LGSN: variants seen among roughly 807,000 people sequenced by gnomAD.
LGSN encodes the protein lengsin.
LGSN carries 21 observed loss-of-function variants against 19.5 expected under a neutral mutation model. The ratio of observed to expected loss-of-function variants is 1.07; its 90% confidence interval spans 0.76 to 1.55. The LOEUF (loss-of-function observed/expected upper bound fraction) is 1.55. Among genes scored for constraint, LGSN ranks in the 40% most tolerant of loss-of-function variants. The pLI is 0.00. For missense variants in LGSN, 673 were observed against 608.5 expected (o/e 1.11, Z -1.12); for synonymous variants, 257 against 215.6 (o/e 1.19, Z -1.68).
chr6:63,407,684 A>C, the LGSN span, among the ~76,000 whole-genome samples: 32 of 152,304 alleles, frequency 2.1e-4, no homozygotes, highest in Admixed American at 1.2e-3. Context: ...GGCCAGGGCA[A>C]TTAGGCAGGA....
chr6:63,332,804 T>A, the LGSN span, among the ~76,000 whole-genome samples: 26 of 152,068 alleles, frequency 1.7e-4, no homozygotes, highest in African/African-American at 6.0e-4. Context: ...TGCTTGGCGA[T>A]TGTCTCACCA....
At chr6:63,374,000 A>G in the LGSN span, among the ~76,000 whole-genome samples, 63 of 152,234 alleles carry the variant, frequency 4.1e-4, no homozygotes, top group African/African-American at 1.5e-3. Context: ...CAAAATTGGA[A>G]TGTCTAGATA....
At chr6:63,344,046 C>T in the LGSN span, among the ~76,000 whole-genome samples, 1 of 152,192 alleles carries the variant, frequency 6.6e-6, no homozygotes, top group Non-Finnish European at 1.5e-5. Context: ...CTTGGAAATA[C>T]ATTCTTCCCC....
the LGSN span, among the ~76,000 whole-genome samples, chr6:63,492,029 C>CAAA: frequency 1.6e-5 from 2 of 126,140 alleles, 1 homozygote; most frequent in Non-Finnish European, 3.5e-5. Flanking sequence ...AACTCCATCT[C>CAAA]AAAAAAAAAA....
the LGSN span, among the ~76,000 whole-genome samples, chr6:63,527,362 C>G: frequency 6.6e-6 from 1 of 152,310 alleles, no homozygotes; most frequent in Non-Finnish European, 1.5e-5. Flanking sequence ...CAGTAACCCA[C>G]AGACCTTGCA....
chr6:63,338,690 C>A, the LGSN span, among the ~76,000 whole-genome samples: 1 of 151,966 alleles, frequency 6.6e-6, no homozygotes, highest in African/African-American at 2.4e-5. Flanking sequence ...TTGTTTCATT[C>A]TGTTCTGATA....
At chr6:63,412,561 A>AGAAAGAAAGAAAGAAT in the LGSN span, among the ~76,000 whole-genome samples, 1 of 140,156 alleles carries the variant, frequency 7.1e-6, no homozygotes, top group East Asian at 2.0e-4. Flanking sequence ...AAAGAAAGAA[A>AGAAAGAAAGAAAGAAT]GAAAGAAAGG....
chr6:63,447,231 T>C, the LGSN span, among the ~76,000 whole-genome samples: 2 of 152,206 alleles, frequency 1.3e-5, no homozygotes, highest in African/African-American at 4.8e-5. Flanking sequence ...ATGGAATATC[T>C]GCTAAATGTG....
At chr6:63,393,311 A>C in the LGSN span, among the ~76,000 whole-genome samples, 5 of 151,336 alleles carry the variant, frequency 3.3e-5, no homozygotes, top group African/African-American at 1.2e-4. Context: ...CCTGTAGGTG[A>C]GATTACAGGT....
the LGSN span, among the ~76,000 whole-genome samples, chr6:63,535,227 G>T: frequency 6.6e-6 from 1 of 152,120 alleles, no homozygotes; most frequent in African/African-American, 2.4e-5. Context: ...CATTTTGGGA[G>T]GCCAAGGAGG....
the LGSN span, among the ~76,000 whole-genome samples, chr6:63,542,080 T>C: frequency 6.7e-6 from 1 of 149,982 alleles, no homozygotes; most frequent in Non-Finnish European, 1.5e-5. Flanking sequence ...CACAATGGAA[T>C]ACTACTCAGC....
At chr6:63,513,779 C>T in the LGSN span, among the ~76,000 whole-genome samples, 2,213 of 151,728 alleles carry the variant, frequency 0.015, 59 homozygotes, top group African/African-American at 0.051. Context: ...GGTGTGGAGG[C>T]GGGTGCCTGT....
At chr6:63,409,361 T>C in the LGSN span, among the ~76,000 whole-genome samples, 1 of 152,258 alleles carries the variant, frequency 6.6e-6, no homozygotes, top group Non-Finnish European at 1.5e-5. Flanking sequence ...TCAGGCTTTT[T>C]AAGATAGTTT....
At chr6:63,444,397 T>TA in the LGSN span, among the ~76,000 whole-genome samples, 10 of 152,098 alleles carry the variant, frequency 6.6e-5, no homozygotes, top group African/African-American at 2.4e-4. Context: ...TGTGATAGAC[T>TA]AAAATCATTG....
the LGSN span, among the ~76,000 whole-genome samples, chr6:63,423,360 T>C: frequency 5.3e-5 from 8 of 151,424 alleles, no homozygotes; most frequent in Non-Finnish European, 5.9e-5. Flanking sequence ...ATAATAATAA[T>C]CTGGGCAAAG....
chr6:63,377,774 C>T, the LGSN span, among the ~76,000 whole-genome samples: 12 of 151,336 alleles, frequency 7.9e-5, no homozygotes, highest in South Asian at 1.7e-3. Flanking sequence ...ATTATCAGGG[C>T]GTGGTGGTGT....
the LGSN span, among the ~76,000 whole-genome samples, chr6:63,479,239 A>C: frequency 6.6e-6 from 1 of 152,190 alleles, no homozygotes; most frequent in East Asian, 1.9e-4. Flanking sequence ...TCAGCAAGGG[A>C]GACCCAGATG....
intron 1 of LGSN, among the ~76,000 whole-genome samples, chr6:63,315,886 A>C (rs1396618347): frequency 6.6e-6 from 1 of 151,902 alleles, no homozygotes; most frequent in Non-Finnish European, 1.5e-5. Context: ...AAAAAAAAAA[A>C]ACTCCACATT....
At chr6:63,398,909 A>T in the LGSN span, among the ~76,000 whole-genome samples, 4 of 152,034 alleles carry the variant, frequency 2.6e-5, no homozygotes, top group African/African-American at 9.7e-5. Flanking sequence ...GGCTCAAGCG[A>T]TCCTCAGACT....
Sources: gnomAD v4.1 joint callset for allele counts (sites outside exome capture counted in the v4.1 genomes callset) on GRCh38, gnomAD v4.1.1 for gene constraint, MANE v1.5 for transcripts, NCBI Gene and HGNC (gene_info 2026-07-23, HGNC 2026-07-21) for gene names.